DGKI: variants seen among roughly 807,000 people sequenced by gnomAD.
The protein encoded by DGKI is diacylglycerol kinase iota.
Under a neutral mutation model 147.5 loss-of-function variants are expected in DGKI, and 55 were observed. The ratio of observed to expected loss-of-function variants is 0.37; its 90% confidence interval spans 0.30 to 0.47. The LOEUF is 0.47. Among genes scored for constraint, DGKI ranks in the 20% least tolerant of loss-of-function variants. The pLI is 1.00. For missense variants in DGKI, 1,007 were observed against 1,323.8 expected, an observed-to-expected ratio of 0.76 and a Z score of 3.71; for synonymous variants, 469 against 477.1, an observed-to-expected ratio of 0.98 and a Z score of 0.22.
intron 1 of DGKI, among the ~76,000 whole-genome samples, chr7:137,750,088 A>G (rs1218526594): frequency 6.6e-6 from 1 of 152,326 alleles, no homozygotes; most frequent in Middle Eastern, 3.4e-3. Context: ...ACAAAAGAAC[A>G]TATCAGCAGA....
chr7:137,428,282 C>G (rs890677255), intron 28 of DGKI, among the ~76,000 whole-genome samples: 3 of 152,060 alleles, frequency 2.0e-5, no homozygotes, highest in Non-Finnish European at 4.4e-5. Context: ...AGCATATAAA[C>G]AGAACCAAAG....
intron 21 of DGKI, among the ~76,000 whole-genome samples, chr7:137,502,589 T>G (rs1816216569): frequency 6.6e-6 from 1 of 151,838 alleles, no homozygotes; most frequent in African/African-American, 2.4e-5. Flanking sequence ...GGAGAAAAAA[T>G]AACCTACGTT....
At chr7:137,451,061 T>A (rs1013730327) in intron 27 of DGKI, among the ~76,000 whole-genome samples, 4 of 152,180 alleles carry the variant, frequency 2.6e-5, no homozygotes, top group Non-Finnish European at 5.9e-5. Context: ...CACAGTCATA[T>A]TATGTATCCA....
At chr7:137,541,143 T>C (rs1208076990) in intron 20 of DGKI, among the ~76,000 whole-genome samples, 1 of 152,176 alleles carries the variant, frequency 6.6e-6, no homozygotes, top group Admixed American at 6.5e-5. Context: ...AGAGTTACTA[T>C]AAAGGTACAA....
At chr7:137,453,091 T>A (rs907310960) in intron 27 of DGKI, 1 of 152,186 alleles carries the variant, frequency 6.6e-6, no homozygotes, top group Non-Finnish European at 1.5e-5. Flanking sequence ...TTTTCTTCTG[T>A]TTTACCGTGA....
chr7:137,423,757 G>T (rs1050697316), intron 28 of DGKI, among the ~76,000 whole-genome samples: 2 of 152,000 alleles, frequency 1.3e-5, no homozygotes, highest in African/African-American at 4.8e-5. Flanking sequence ...CATGTTCAGA[G>T]ACATACCAGC....
At chr7:137,770,473 A>C (rs756311049) in intron 1 of DGKI, among the ~76,000 whole-genome samples, 10 of 152,158 alleles carry the variant, frequency 6.6e-5, no homozygotes, top group Non-Finnish European at 1.3e-4. Context: ...CCCAAAACTT[A>C]TAAGTAAAAC....
intron 8 of DGKI, among the ~76,000 whole-genome samples, chr7:137,610,836 GA>G (rs1031787583): frequency 6.6e-6 from 1 of 151,948 alleles, no homozygotes; most frequent in Non-Finnish European, 1.5e-5. Context: ...TTGGATTTGG[GA>G]AAAAAAATAA....
chr7:137,678,724 T>C (rs1823126706), intron 2 of DGKI, 72 bp from the exon 3 acceptor site: 1 of 1,381,858 alleles, frequency 7.2e-7, no homozygotes, highest in African/African-American at 1.4e-5. Context: ...CAAATTTAGA[T>C]TTGGGATACA....
intron 3 of DGKI, among the ~76,000 whole-genome samples, chr7:137,662,745 T>C (rs1478930165): frequency 6.6e-6 from 1 of 152,176 alleles, no homozygotes; most frequent in Non-Finnish European, 1.5e-5. Flanking sequence ...CTGAGTAGTG[T>C]TGGCCCATGT....
intron 1 of DGKI, among the ~76,000 whole-genome samples, chr7:137,824,887 T>A (rs1798011761): frequency 6.6e-6 from 1 of 152,222 alleles, no homozygotes; most frequent in Non-Finnish European, 1.5e-5. Flanking sequence ...AAGAACACGA[T>A]CTCATCCCTT....
At chr7:137,681,563 A>G (rs1179083158) in intron 2 of DGKI, among the ~76,000 whole-genome samples, 2 of 152,236 alleles carry the variant, frequency 1.3e-5, no homozygotes, top group African/African-American at 4.8e-5. Flanking sequence ...TTTATTCAAC[A>G]ATTCTTTATT....
chr7:137,464,576 G>A (rs922656901), intron 26 of DGKI, among the ~76,000 whole-genome samples: 5 of 152,118 alleles, frequency 3.3e-5, no homozygotes, highest in Admixed American at 6.5e-5. Flanking sequence ...CTCTGACATC[G>A]CAGCTCTGGC....
intron 1 of DGKI, chr7:137,843,503 C>T (rs980280084): frequency 9.9e-5 from 81 of 818,578 alleles, no homozygotes; most frequent in Non-Finnish European, 1.2e-4. Context: ...AAATGGTTCT[C>T]AAAAAAAGCC....
chr7:137,423,780 C>T (rs12535976), intron 28 of DGKI, among the ~76,000 whole-genome samples: 24 of 152,078 alleles, frequency 1.6e-4, no homozygotes, highest in African/African-American at 5.1e-4. Context: ...AATGCACATA[C>T]GGCAAAAGTG....
chr7:137,619,293 T>C (rs1167917893), intron 8 of DGKI, among the ~76,000 whole-genome samples: 1 of 152,154 alleles, frequency 6.6e-6, no homozygotes, highest in African/African-American at 2.4e-5. Context: ...TGAGATTAGA[T>C]ATTAAGAGAA....
intron 19 of DGKI, among the ~76,000 whole-genome samples, chr7:137,567,230 C>T (rs1219546750): frequency 6.7e-6 from 1 of 149,866 alleles, no homozygotes; most frequent in Non-Finnish European, 1.5e-5. Flanking sequence ...CACCATTGCA[C>T]TCCAGCCTGG....
At chr7:137,662,562 CTCAGTATA>C (rs1822481067) in intron 3 of DGKI, among the ~76,000 whole-genome samples, 2 of 151,958 alleles carry the variant, frequency 1.3e-5, no homozygotes, top group African/African-American at 4.8e-5. Flanking sequence ...TTCTTTTATC[CTCAGTATA>C]TCACTCATTC....
chr7:137,666,438 G>A (rs1453357150), intron 3 of DGKI, among the ~76,000 whole-genome samples: 2 of 152,024 alleles, frequency 1.3e-5, no homozygotes, highest in Non-Finnish European at 2.9e-5. Flanking sequence ...AAAACAGAAA[G>A]CTACGACGTG....
Sources: gnomAD v4.1 joint callset for allele counts (sites outside exome capture counted in the v4.1 genomes callset) on GRCh38, gnomAD v4.1.1 for gene constraint, MANE v1.5 for transcripts, NCBI Gene and HGNC (gene_info 2026-07-23, HGNC 2026-07-21) for gene names.